CXCL16: variants seen among roughly 807,000 people sequenced by gnomAD.
The protein encoded by CXCL16 is C-X-C motif chemokine 16.
A neutral mutation model predicts 23.8 loss-of-function variants in CXCL16; 18 were observed. The ratio of observed to expected loss-of-function variants is 0.76; its 90% CI spans 0.52 to 1.12. CXCL16 has a LOEUF of 1.12. CXCL16 is among the 50% of genes most tolerant of loss of function. CXCL16 has a pLI of 0.00. For synonymous variants in CXCL16, 123 were observed against 132.5 expected, an observed-to-expected ratio of 0.93 and a Z score of 0.49; for missense variants, 297 against 315.4, an observed-to-expected ratio of 0.94 and a Z score of 0.44.
In CXCL16 at chr17:4,739,312, G is replaced by T. The variant is rs1916268216; in HGVS notation, c.28C>A (p.Arg10Ser). Residue 10 changes from arginine (R) to serine (S), a missense_variant, in exon 1 of 6, where the codon CGC (arginine) becomes AGC (serine). Arg to Ser is a moderately radical substitution (Grantham distance 110). Transcript: ENST00000293778. The surrounding 1 kb of genome is among the most constrained non-coding windows in gnomAD (Gnocchi z 5.3). ...AGCAGAAGCAGGAGCAGGAGCACGC[G>T]GGACCCGGGCCGCAAGTCCCGTCCC... MGRDLRPGS[R>S]VLLLLLLLLL... 1 of 1,612,458 alleles carries T rather than the reference G, an allele frequency of 6.2e-7. No homozygotes were observed. Among genetic ancestry groups the T allele is most frequent in the Non-Finnish European group, 8.5e-7 (1 of 1,179,378 alleles).
intron 3 of CXCL16, among the ~76,000 whole-genome samples, chr17:4,737,343 T>A: frequency 6.8e-6 from 1 of 146,428 alleles, no homozygotes. Flanking sequence ...TTTGGGAGGC[T>A]GAGGCAGGTG....
Position 4,739,367 on chromosome 17 carries a change from T to C in CXCL16, c.-28A>G. The C allele has an allele frequency of 6.2e-7, 1 of 1,612,870 alleles. No individual in the cohort carries two copies. The highest frequency in any genetic ancestry group is 8.5e-7 in the Non-Finnish European group (1 of 1,179,808). ...CGGGGCTCCGCGGACTCTGCGGGGA[T>C]GGAGCCACCTCGCTCTGACTCCCAG... On this transcript the variant is annotated 5_prime_UTR_variant, in exon 1 of 6. Coordinates refer to ENST00000293778, the MANE Select transcript of CXCL16 (RefSeq NM_001386809.1). This position sits in a 1 kb window ranked among gnomAD's most constrained non-coding sequence, Gnocchi z 5.3.
Position 4,739,111 on chromosome 17 carries a change from C to A in CXCL16, c.79+150G>T. The A allele has an allele frequency of 8.2e-7, 1 of 1,223,602 alleles. No homozygotes were observed. Among genetic ancestry groups the A allele is most frequent in the Non-Finnish European group, 1.1e-6 (1 of 881,546 alleles). 75.8% of individuals were successfully genotyped at this position (1,223,602 alleles called of 1,614,324 possible). A position where few individuals can be genotyped will look rare whatever the true frequency, so the allele number is the denominator to read the frequency against. On this transcript the variant is annotated intron_variant, in intron 1 of 5. Transcript: ENST00000293778. This position sits in a 1 kb window ranked among gnomAD's most constrained non-coding sequence, Gnocchi z 5.3. Reference sequence around the variant, plus strand: ...CCGCCCGGAGCCAGGCGTCCCCGGGCCTCTGTCCCCAACCCCAGGCGGCTG... The same window carrying A: ...CCGCCCGGAGCCAGGCGTCCCCGGGACTCTGTCCCCAACCCCAGGCGGCTG...
In CXCL16 at chr17:4,733,536, G is replaced by T; in HGVS notation, c.*967C>A. 1 of 202,626 alleles carries T rather than the reference G, an allele frequency of 4.9e-6. No homozygotes were observed. 12.6% of individuals were successfully genotyped at this position (202,626 alleles called of 1,614,324 possible). A position where few individuals can be genotyped will look rare whatever the true frequency, so the allele number is the denominator to read the frequency against. ...AATGAAAATACATACTTCTTCATTC[G>T]GAGAGACAAAACAAGAACTAGAGTT... On this transcript the variant is annotated 3_prime_UTR_variant, in exon 6 of 6. Transcript: ENST00000293778.
intron 4 of CXCL16, 48 bp from the exon 5 acceptor site, chr17:4,734,700 GTGTT>G: frequency 1.3e-6 from 2 of 1,491,484 alleles, no homozygotes; most frequent in Non-Finnish European, 1.9e-6. Context: ...ATCAAGGACA[GTGTT>G]TGGGGGATGA....
Position 4,738,290 on chromosome 17 carries a change from C to G in CXCL16, c.301+118G>C, listed in dbSNP as rs1916221988. 1 of 757,410 alleles carries G rather than the reference C, an allele frequency of 1.3e-6. No individual in the cohort carries two copies. Among genetic ancestry groups the G allele is most frequent in the African/African-American group, 1.7e-5 (1 of 57,390 alleles). The allele number at this position is 757,410 out of a possible 1,614,324, so 46.9% of individuals were successfully genotyped here. ...CGAGTCTAAGTACTTTGGACAGGAT[C>G]AGAAGAAGGTTCTAGGAATGTGCGG... On this transcript the variant is annotated intron_variant, in intron 3 of 5. Coordinates refer to ENST00000293778, the MANE Select transcript of CXCL16 (RefSeq NM_001386809.1). This position sits in a 1 kb window ranked among gnomAD's most constrained non-coding sequence, Gnocchi z 4.0.
In CXCL16 at chr17:4,739,735, C is replaced by A; in HGVS notation, c.-396G>T. The A allele has an allele frequency of 9.5e-7, 1 of 1,051,556 alleles. No individual in the cohort carries two copies. The highest frequency in any genetic ancestry group is 1.2e-6 in the Non-Finnish European group (1 of 847,384). The allele number at this position is 1,051,556 out of a possible 1,614,324, so 65.1% of individuals were successfully genotyped here. On this transcript the variant is annotated 5_prime_UTR_variant, in exon 1 of 6. Transcript: ENST00000293778. This position sits in a 1 kb window ranked among gnomAD's most constrained non-coding sequence, Gnocchi z 5.3. Reference sequence around the variant, plus strand: ...TCGGTTCGGTTCAGGAGGCCGCCCGCCTGGCCCGTCCGCCGACCTGTGAGG... The same window carrying A: ...TCGGTTCGGTTCAGGAGGCCGCCCGACTGGCCCGTCCGCCGACCTGTGAGG...
In CXCL16 at chr17:4,738,368, C is replaced by G. The variant is rs751296517; in HGVS notation, c.301+40G>C. On this transcript the variant is annotated intron_variant, in intron 3 of 5. Transcript: ENST00000293778. The surrounding 1 kb of genome is among the most constrained non-coding windows in gnomAD (Gnocchi z 4.0). ...AAACTGTCAGGTGGAAGCTGCTAAG[C>G]CCTGGAGGCAGAGCCTGAAGAGCAG... 6 of 1,519,280 alleles carry G rather than the reference C, an allele frequency of 3.9e-6. No individual in the cohort carries two copies. The highest frequency in any genetic ancestry group is 3.4e-5 in the South Asian group (3 of 89,154). 94.1% of individuals were successfully genotyped at this position (1,519,280 alleles called of 1,614,324 possible). A position where few individuals can be genotyped will look rare whatever the true frequency, so the allele number is the denominator to read the frequency against.
Position 4,738,293 on chromosome 17 carries a change from A to T in CXCL16, c.301+115T>A, listed in dbSNP as rs1449832032. 3.9e-6 allele frequency: 3 copies of T among 777,864 alleles called. No individual in the cohort carries two copies. Among genetic ancestry groups the T allele is most frequent in the Non-Finnish European group, 6.5e-6 (3 of 459,228 alleles). 48.2% of individuals were successfully genotyped at this position (777,864 alleles called of 1,614,324 possible). A position where few individuals can be genotyped will look rare whatever the true frequency, so the allele number is the denominator to read the frequency against. On this transcript the variant is annotated intron_variant, in intron 3 of 5. Coordinates refer to ENST00000293778, the MANE Select transcript of CXCL16 (RefSeq NM_001386809.1). This position sits in a 1 kb window ranked among gnomAD's most constrained non-coding sequence, Gnocchi z 4.0. Reference sequence around the variant, plus strand: ...GTCTAAGTACTTTGGACAGGATCAGAAGAAGGTTCTAGGAATGTGCGGCCC... The same window carrying T: ...GTCTAAGTACTTTGGACAGGATCAGTAGAAGGTTCTAGGAATGTGCGGCCC...
rs1916257074 is a variant in CXCL16 at position 4,739,075 on chromosome 17, C to T, written c.80-155G>A. 2 of 1,196,636 alleles carry T rather than the reference C, an allele frequency of 1.7e-6. No individual in the cohort carries two copies. The highest frequency in any genetic ancestry group is 5.3e-5 in the Admixed American group (2 of 37,482). The allele number at this position is 1,196,636 out of a possible 1,614,324, so 74.1% of individuals were successfully genotyped here. On this transcript the variant is annotated intron_variant, in intron 1 of 5. Coordinates refer to ENST00000293778, the MANE Select transcript of CXCL16 (RefSeq NM_001386809.1). The surrounding 1 kb of genome is among the most constrained non-coding windows in gnomAD (Gnocchi z 5.3). Reference sequence around the variant, plus strand: ...CCACACATCATCACGCCCCCGACAACATCCATAATCCCGCCCGGAGCCAGG... The same window carrying T: ...CCACACATCATCACGCCCCCGACAATATCCATAATCCCGCCCGGAGCCAGG...
In CXCL16 at chr17:4,739,430, T is replaced by A; in HGVS notation, c.-91A>T. On this transcript the variant is annotated 5_prime_UTR_variant, in exon 1 of 6. Transcript: ENST00000293778. This position sits in a 1 kb window ranked among gnomAD's most constrained non-coding sequence, Gnocchi z 5.3. Reference sequence around the variant, plus strand: ...GCGTGACGTCCAGCTGGTGTCTCAATGGCTTTCGCCGGGGACCGGAGGAGA... The same window carrying A: ...GCGTGACGTCCAGCTGGTGTCTCAAAGGCTTTCGCCGGGGACCGGAGGAGA... 6.3e-7 allele frequency: 1 copy of A among 1,593,788 alleles called. No homozygotes were observed. Among genetic ancestry groups the A allele is most frequent in the East Asian group, 2.2e-5 (1 of 44,602 alleles).
Position 4,739,319 on chromosome 17 carries a change from G to C in CXCL16, c.21C>G (p.Pro7=). 4 of 1,612,580 alleles carry C rather than the reference G, an allele frequency of 2.5e-6. No individual in the cohort carries two copies. The highest frequency in any genetic ancestry group is 1.1e-5 in the South Asian group (1 of 90,854). The part of the protein sequence containing the change: MGRDLR[P]GSRVLLLLLL... ...GCAGGAGCAGGAGCACGCGGGACCC[G>C]GGCCGCAAGTCCCGTCCCATCTCGG... The change falls in exon 1 of 6, where the codon CCC becomes CCG. Residue 7 remains proline (P), a synonymous_variant. Transcript: ENST00000293778. This position sits in a 1 kb window ranked among gnomAD's most constrained non-coding sequence, Gnocchi z 5.3.
chr17:4,735,781 A>G (rs1441288209), intron 3 of CXCL16, among the ~76,000 whole-genome samples: 3 of 152,152 alleles, frequency 2.0e-5, no homozygotes, highest in Admixed American at 6.6e-5. Context: ...GTATAGACGT[A>G]TGATTGGATT....
At chr17:4,735,594 C>A (rs745444432) in intron 3 of CXCL16, 86 bp from the exon 4 acceptor site, 75 of 1,130,942 alleles carry the variant, frequency 6.6e-5, no homozygotes, top group Non-Finnish European at 8.5e-5. Flanking sequence ...AAAGTAATAT[C>A]TTTTCCTCAC....
intron 3 of CXCL16, among the ~76,000 whole-genome samples, chr17:4,737,106 C>T (rs1567695427): frequency 6.6e-6 from 1 of 152,020 alleles, no homozygotes; most frequent in African/African-American, 2.4e-5. Flanking sequence ...AGTGAGCCAC[C>T]GTCCTGGCCT....
Position 4,739,369 on chromosome 17 carries a change from G to C in CXCL16, c.-30C>G. ...GGGCTCCGCGGACTCTGCGGGGATG[G>C]AGCCACCTCGCTCTGACTCCCAGAC... On this transcript the variant is annotated 5_prime_UTR_variant, in exon 1 of 6. Transcript: ENST00000293778. This position sits in a 1 kb window ranked among gnomAD's most constrained non-coding sequence, Gnocchi z 5.3. The C allele has an allele frequency of 6.2e-7, 1 of 1,612,804 alleles. No homozygotes were observed. The highest frequency in any genetic ancestry group is 8.5e-7 in the Non-Finnish European group (1 of 1,179,816).
In CXCL16 at chr17:4,738,270, C is replaced by G. The variant is rs1916221561; in HGVS notation, c.301+138G>C. ...CCGTTTGGCAAACAGGGACTCGAGT[C>G]TAAGTACTTTGGACAGGATCAGAAG... On this transcript the variant is annotated intron_variant, in intron 3 of 5. Transcript: ENST00000293778. This position sits in a 1 kb window ranked among gnomAD's most constrained non-coding sequence, Gnocchi z 4.0. The G allele has an allele frequency of 1.5e-6, 1 of 669,724 alleles. No individual in the cohort carries two copies. The highest frequency in any genetic ancestry group is 2.9e-5 in the Admixed American group (1 of 34,860). The allele number at this position is 669,724 out of a possible 1,614,324, so 41.5% of individuals were successfully genotyped here.
Position 4,739,365 on chromosome 17 carries a change from G to T in CXCL16, c.-26C>A. ...CTCGGGGCTCCGCGGACTCTGCGGG[G>T]ATGGAGCCACCTCGCTCTGACTCCC... is the stretch of plus-strand genomic sequence containing the variant. On this transcript the variant is annotated 5_prime_UTR_variant, in exon 1 of 6. Coordinates refer to ENST00000293778, the MANE Select transcript of CXCL16 (RefSeq NM_001386809.1). The surrounding 1 kb of genome is among the most constrained non-coding windows in gnomAD (Gnocchi z 5.3). 6.2e-7 allele frequency: 1 copy of T among 1,612,990 alleles called. No homozygotes were observed. The highest frequency in any genetic ancestry group is 1.3e-5 in the African/African-American group (1 of 75,024).
chr17:4,738,936 G>A lies in CXCL16; in HGVS notation c.80-16C>T. 1 of 1,612,416 alleles carries A rather than the reference G, an allele frequency of 6.2e-7. No individual in the cohort carries two copies. The highest frequency in any genetic ancestry group is 8.5e-7 in the Non-Finnish European group (1 of 1,179,148). Reference sequence around the variant, plus strand: ...TTGCCATTGCCTGCGCGGGACGGAGGTGGTCGGCACCCATTCCCAGGCCCA... The same window carrying A: ...TTGCCATTGCCTGCGCGGGACGGAGATGGTCGGCACCCATTCCCAGGCCCA... On this transcript the variant is annotated splice_polypyrimidine_tract_variant and intron_variant, in intron 1 of 5. Coordinates refer to ENST00000293778, the MANE Select transcript of CXCL16 (RefSeq NM_001386809.1). This position sits in a 1 kb window ranked among gnomAD's most constrained non-coding sequence, Gnocchi z 4.0.
Sources: allele counts gnomAD v4.1 joint callset (sites outside exome capture counted in the v4.1 genomes callset), GRCh38; gene constraint gnomAD v4.1.1; non-coding constraint Gnocchi (gnomAD v3.1); transcripts MANE v1.5; gene names NCBI Gene and HGNC (gene_info 2026-07-23, HGNC 2026-07-21).